GRIP1: variants seen among roughly 807,000 people sequenced by gnomAD.
The protein encoded by GRIP1 is glutamate receptor interacting protein 1, also known as glutamate receptor-interacting protein 1.
GRIP1 carries 45 observed loss-of-function variants against 129.9 expected under a neutral mutation model. The ratio of observed to expected loss-of-function variants is 0.35; its 90% CI spans 0.27 to 0.44. The LOEUF (loss-of-function observed/expected upper bound fraction) is 0.44, where lower values mean the gene tolerates loss of function less well. GRIP1 is among the 20% of genes least tolerant of loss of function. The pLI is 1.00. For missense variants in GRIP1, 1,196 were observed against 1,396.8 expected, an observed-to-expected ratio of 0.86 and a Z score of 2.29; for synonymous variants, 530 against 520.8, an observed-to-expected ratio of 1.02 and a Z score of -0.24.
chr12:66,820,163 C>A (rs190178194), intron 1 of GRIP1, among the ~76,000 whole-genome samples: 1 of 152,308 alleles, frequency 6.6e-6, no homozygotes, highest in African/African-American at 2.4e-5. Context: ...GTAATCCCAG[C>A]ACTTTGGAAG....
At chr12:66,580,486 C>A (rs1485193752) in intron 2 of GRIP1, among the ~76,000 whole-genome samples, 6 of 152,124 alleles carry the variant, frequency 3.9e-5, no homozygotes, top group Non-Finnish European at 5.9e-5. Context: ...AGTCAAGACC[C>A]ATCAGTGTGT....
chr12:66,719,929 TCA>T (rs992315937), intron 1 of GRIP1, among the ~76,000 whole-genome samples: 1 of 152,186 alleles, frequency 6.6e-6, no homozygotes, highest in Non-Finnish European at 1.5e-5. Context: ...CTGCCCAATA[TCA>T]CACAATGAGT....
chr12:66,398,764 A>G (rs905608903), intron 16 of GRIP1, among the ~76,000 whole-genome samples: 1 of 152,058 alleles, frequency 6.6e-6, no homozygotes, highest in African/African-American at 2.4e-5. Context: ...GAGGGCCACA[A>G]ACTATTATAA....
chr12:66,862,321 T>C (rs1264785584), intron 1 of GRIP1, among the ~76,000 whole-genome samples: 2 of 151,896 alleles, frequency 1.3e-5, no homozygotes, highest in Admixed American at 6.6e-5. Flanking sequence ...GGTCACAAAA[T>C]CCTAATGGTG....
chr12:66,792,049 A>AT (rs2038555211), intron 1 of GRIP1, among the ~76,000 whole-genome samples: 1 of 152,186 alleles, frequency 6.6e-6, no homozygotes, highest in Admixed American at 6.6e-5. Context: ...GGAAAATGAG[A>AT]TTTTATGAAA....
chr12:66,411,451 G>T (rs1444471734), intron 15 of GRIP1, among the ~76,000 whole-genome samples: 1 of 152,160 alleles, frequency 6.6e-6, no homozygotes, highest in African/African-American at 2.4e-5. Context: ...TTAACGAAAA[G>T]ACCCCACAAA....
At chr12:66,566,377 C>T (rs576604689) in intron 2 of GRIP1, among the ~76,000 whole-genome samples, 7 of 152,234 alleles carry the variant, frequency 4.6e-5, no homozygotes, top group Middle Eastern at 3.4e-3. Flanking sequence ...TTGAGATAAT[C>T]GTGTGGTTTT....
chr12:66,518,077 C>T lies in GRIP1; in HGVS notation c.503-101G>A, dbSNP rs112704218. 1,782 of 785,272 alleles carry T rather than the reference C, an allele frequency of 2.3e-3. 8 individuals are homozygous for T. The highest frequency in any genetic ancestry group is 3.4e-3 in the Middle Eastern group (15 of 4,462). 48.6% of individuals were successfully genotyped at this position (785,272 alleles called of 1,614,324 possible). On this transcript the variant is annotated intron_variant, in intron 5 of 24. Coordinates refer to ENST00000359742, the MANE Select transcript of GRIP1 (RefSeq NM_001366722.1). ...GCTGAGAAATGTCCTACTTGATGTACGGAGGAAAATATGTAAAATTTTCCT... is the reference window on the plus strand; with the variant it reads ...GCTGAGAAATGTCCTACTTGATGTATGGAGGAAAATATGTAAAATTTTCCT...
chr12:66,653,784 AG>A (rs1444612708), intron 1 of GRIP1, among the ~76,000 whole-genome samples: 3 of 152,212 alleles, frequency 2.0e-5, no homozygotes, highest in Non-Finnish European at 4.4e-5. Flanking sequence ...AACAAAATTT[AG>A]GGGGCATATC....
intron 1 of GRIP1, among the ~76,000 whole-genome samples, chr12:66,852,724 GTCAAC>G (rs770282477): frequency 1.8e-4 from 27 of 151,786 alleles, no homozygotes; most frequent in Non-Finnish European, 3.1e-4. Flanking sequence ...AAATAGAGAT[GTCAAC>G]TCTAATGATT....
intron 1 of GRIP1, among the ~76,000 whole-genome samples, chr12:67,049,756 T>C (rs1464315719): frequency 1.3e-5 from 2 of 151,732 alleles, no homozygotes; most frequent in Non-Finnish European, 2.9e-5. Flanking sequence ...AGACTTAGCT[T>C]CTTTAAGCCC....
At chr12:66,807,404 T>C (rs2039014699), upstream of GRIP1, among the ~76,000 whole-genome samples, 1 of 152,112 alleles carries the variant, frequency 6.6e-6, no homozygotes, top group Admixed American at 6.5e-5. Context: ...CCAGGCGCGG[T>C]GGCTCACGCC....
At chr12:66,667,608 C>T (rs2033866374) in intron 1 of GRIP1, among the ~76,000 whole-genome samples, 1 of 152,184 alleles carries the variant, frequency 6.6e-6, no homozygotes, top group Non-Finnish European at 1.5e-5. Flanking sequence ...CACTGGCAGA[C>T]TTCACCCAAG....
chr12:66,601,937 A>G (rs2064294867), intron 1 of GRIP1, among the ~76,000 whole-genome samples: 1 of 152,196 alleles, frequency 6.6e-6, no homozygotes, highest in Admixed American at 6.5e-5. Flanking sequence ...TGATGGCAGA[A>G]TCATTACTAC....
At chr12:66,586,011 G>A (rs529114695) in intron 2 of GRIP1, among the ~76,000 whole-genome samples, 3 of 151,990 alleles carry the variant, frequency 2.0e-5, no homozygotes, top group Admixed American at 6.6e-5. Flanking sequence ...ATCAGCACAC[G>A]AACATGCTGC....
intron 1 of GRIP1, among the ~76,000 whole-genome samples, chr12:66,810,825 G>C (rs558676919): frequency 5.3e-5 from 8 of 152,100 alleles, no homozygotes; most frequent in African/African-American, 1.7e-4. Flanking sequence ...CTACTTATTT[G>C]TGTTGTTTAT....
chr12:67,031,100 G>A (rs961573759), intron 1 of GRIP1, among the ~76,000 whole-genome samples: 1 of 152,130 alleles, frequency 6.6e-6, no homozygotes, highest in Non-Finnish European at 1.5e-5. Context: ...CAAAATTAGT[G>A]CTTAGTCTCC....
intron 1 of GRIP1, among the ~76,000 whole-genome samples, chr12:66,881,307 G>C (rs778018719): frequency 3.9e-5 from 6 of 152,140 alleles, no homozygotes; most frequent in African/African-American, 1.4e-4. Context: ...GTAAAGATGC[G>C]ATGTGAGGTT....
At chr12:66,960,300 G>C (rs1316898310) in intron 1 of GRIP1, among the ~76,000 whole-genome samples, 1 of 152,158 alleles carries the variant, frequency 6.6e-6, no homozygotes, top group Non-Finnish European at 1.5e-5. Flanking sequence ...GAAGAGGTGA[G>C]AGCTGTACAT....
Sources: gnomAD v4.1 joint callset for allele counts (sites outside exome capture counted in the v4.1 genomes callset) on GRCh38, gnomAD v4.1.1 for gene constraint, MANE v1.5 for transcripts, NCBI Gene and HGNC (gene_info 2026-07-23, HGNC 2026-07-21) for gene names.